GABBR2: variants seen among roughly 807,000 people sequenced by gnomAD.
GABBR2 encodes the protein gamma-aminobutyric acid type B receptor subunit 2, also known as G-protein coupled receptor 51.
GABBR2 carries 23 observed loss-of-function variants against 105.6 expected under a neutral mutation model. The observed-to-expected ratio is 0.22, with a 90% CI of 0.16 to 0.31. The LOEUF (loss-of-function observed/expected upper bound fraction) is 0.31. GABBR2 is among the 10% of genes least tolerant of loss of function. The pLI is 1.00. For missense variants in GABBR2, 734 were observed against 1,245.5 expected, an observed-to-expected ratio of 0.59 and a Z score of 6.18; for synonymous variants, 478 against 499.7, an observed-to-expected ratio of 0.96 and a Z score of 0.58.
chr9:98,444,951 G>A (rs1826100235), intron 7 of GABBR2, among the ~76,000 whole-genome samples: 1 of 152,290 alleles, frequency 6.6e-6, no homozygotes, highest in Non-Finnish European at 1.5e-5. Context: ...GCAAGAATTT[G>A]GTAATCACTA....
intron 1 of GABBR2, among the ~76,000 whole-genome samples, chr9:98,591,703 C>T (rs149021695): frequency 1.1e-4 from 17 of 152,296 alleles, no homozygotes; most frequent in South Asian, 4.1e-4. Flanking sequence ...CAACAAGACT[C>T]GTTCAAATGA....
chr9:98,293,288 T>C (rs1363345170), intron 18 of GABBR2, among the ~76,000 whole-genome samples: 4 of 152,174 alleles, frequency 2.6e-5, no homozygotes, highest in South Asian at 2.1e-4. Flanking sequence ...CCTTCTGTGC[T>C]TTTCCTCCAA....
intron 10 of GABBR2, among the ~76,000 whole-genome samples, chr9:98,387,978 A>G (rs1832105517): frequency 1.3e-5 from 2 of 152,200 alleles, no homozygotes; most frequent in Admixed American, 1.3e-4. Context: ...GCACCATGGC[A>G]GAGCCATGGC....
chr9:98,669,884 G>A (rs1328370188), intron 1 of GABBR2, among the ~76,000 whole-genome samples: 1 of 151,976 alleles, frequency 6.6e-6, no homozygotes, highest in East Asian at 1.9e-4. Context: ...AGTCAGGAAA[G>A]GCCTCCTTGA....
chr9:98,312,629 C>T (rs1027771740), intron 13 of GABBR2, among the ~76,000 whole-genome samples: 1 of 152,216 alleles, frequency 6.6e-6, no homozygotes, highest in African/African-American at 2.4e-5. Context: ...ATAATTCTTA[C>T]CTGAGTCATT....
chr9:98,495,765 T>C (rs1041482044), intron 4 of GABBR2, among the ~76,000 whole-genome samples: 4 of 152,146 alleles, frequency 2.6e-5, no homozygotes, highest in African/African-American at 9.7e-5. Flanking sequence ...GTGGGATGAG[T>C]CACTTCCTCC....
Position 98,496,370 on chromosome 9 carries a change from T to C in GABBR2, c.732+43A>G, listed in dbSNP as rs367651828. 1.9e-5 allele frequency: 24 copies of C among 1,244,700 alleles called. No homozygotes were observed. In the Admixed American group the frequency reaches 3.0e-4, roughly 16 times the overall value. 77.1% of individuals were successfully genotyped at this position (1,244,700 alleles called of 1,614,324 possible). A position where few individuals can be genotyped will look rare whatever the true frequency, so the allele number is the denominator to read the frequency against. The stretch of plus-strand genomic sequence containing the variant: ...TCAGGTAATTTGGGCACCCAGGGCA[T>C]TGAGATCAGTCTGCCATTCACCCTG... On this transcript the variant is annotated intron_variant, in intron 4 of 18. Transcript: ENST00000259455.
chr9:98,345,106 C>T (rs575849522), intron 13 of GABBR2, among the ~76,000 whole-genome samples: 61 of 152,300 alleles, frequency 4.0e-4, no homozygotes, highest in African/African-American at 1.4e-3. Flanking sequence ...CACCACGTCT[C>T]GTCATGTCTG....
At chr9:98,553,454 T>C (rs1414072856) in intron 2 of GABBR2, among the ~76,000 whole-genome samples, 5 of 151,734 alleles carry the variant, frequency 3.3e-5, no homozygotes, top group Admixed American at 2.0e-4. Context: ...AAATTAGGCA[T>C]TGTGGTTCGA....
intron 5 of GABBR2, 39 bp downstream of exon 5, chr9:98,480,893 C>A (rs368000357): frequency 8.1e-7 from 1 of 1,230,842 alleles, no homozygotes; most frequent in African/African-American, 1.5e-5. Flanking sequence ...GCTTCGTGAA[C>A]CTCCCCAAAG....
intron 13 of GABBR2, among the ~76,000 whole-genome samples, chr9:98,318,843 T>C (rs1300336268): frequency 2.6e-5 from 4 of 151,956 alleles, no homozygotes; most frequent in Non-Finnish European, 4.4e-5. Flanking sequence ...GTAAAATTGG[T>C]AGGTTTTTCT....
intron 3 of GABBR2, among the ~76,000 whole-genome samples, chr9:98,502,310 G>T (rs544214599): frequency 2.0e-5 from 3 of 152,168 alleles, no homozygotes; most frequent in Non-Finnish European, 4.4e-5. Context: ...CCATCAGGGA[G>T]GCTGGTCCCC....
At chr9:98,563,303 C>A (rs1359130507) in intron 2 of GABBR2, among the ~76,000 whole-genome samples, 1 of 152,140 alleles carries the variant, frequency 6.6e-6, no homozygotes, top group Non-Finnish European at 1.5e-5. Context: ...AAGGTTCCCC[C>A]GGCAAACAAA....
At chr9:98,622,565 G>A (rs1217939181) in intron 1 of GABBR2, among the ~76,000 whole-genome samples, 1 of 152,170 alleles carries the variant, frequency 6.6e-6, no homozygotes, top group Non-Finnish European at 1.5e-5. Context: ...GAGTGATTAA[G>A]ACCCACACCT....
At chr9:98,679,662 TC>T (rs1830516490) in intron 1 of GABBR2, among the ~76,000 whole-genome samples, 1 of 152,140 alleles carries the variant, frequency 6.6e-6, no homozygotes, top group Non-Finnish European at 1.5e-5. Context: ...CACACCCTTC[TC>T]CCCTGGAGCA....
chr9:98,307,556 A>C (rs1830570779), intron 14 of GABBR2, among the ~76,000 whole-genome samples: 1 of 152,138 alleles, frequency 6.6e-6, no homozygotes, highest in African/African-American at 2.4e-5. Context: ...CTGTGTTTAG[A>C]GATTCGATGG....
chr9:98,380,811 C>T (rs778490500), intron 11 of GABBR2, among the ~76,000 whole-genome samples: 2 of 152,190 alleles, frequency 1.3e-5, no homozygotes, highest in Non-Finnish European at 2.9e-5. Context: ...CACCCACCCT[C>T]GTCCGAGCAG....
chr9:98,612,522 T>A (rs937381594), intron 1 of GABBR2, among the ~76,000 whole-genome samples: 2 of 152,168 alleles, frequency 1.3e-5, no homozygotes, highest in African/African-American at 2.4e-5. Context: ...TGTCACAGCC[T>A]CATCTGTTTC....
intron 5 of GABBR2, among the ~76,000 whole-genome samples, chr9:98,480,651 G>A (rs1322683568): frequency 6.6e-6 from 1 of 152,128 alleles, no homozygotes; most frequent in Non-Finnish European, 1.5e-5. Flanking sequence ...CTGATTTCTG[G>A]TATCTCCCTG....
Sources: gnomAD v4.1 joint callset for allele counts (sites outside exome capture counted in the v4.1 genomes callset) on GRCh38, gnomAD v4.1.1 for gene constraint, MANE v1.5 for transcripts, NCBI Gene and HGNC (gene_info 2026-07-23, HGNC 2026-07-21) for gene names.